HIPK2: variants seen among roughly 807,000 people sequenced by gnomAD.
HIPK2 encodes the protein homeodomain-interacting protein kinase 2.
HIPK2 carries 27 observed loss-of-function variants against 113.7 expected under a neutral mutation model. The observed-to-expected ratio is 0.24, with a 90% CI of 0.17 to 0.33. The LOEUF (loss-of-function observed/expected upper bound fraction) is 0.33. Ranked by LOEUF, HIPK2 falls within the 10% of genes least tolerant of loss-of-function variation. HIPK2 has a pLI of 1.00. For missense variants in HIPK2, 1,257 were observed against 1,588.0 expected (o/e 0.79, Z 3.54); for synonymous variants, 631 against 642.2 (o/e 0.98, Z 0.26).
chr7:139,761,786 G>A (rs1796468365), intron 1 of HIPK2, among the ~76,000 whole-genome samples: 1 of 152,172 alleles, frequency 6.6e-6, no homozygotes, highest in Admixed American at 6.5e-5. Flanking sequence ...TATTAAACGA[G>A]ATGAACTTTA....
At chr7:139,621,677 C>T (rs1474224425) in intron 6 of HIPK2, among the ~76,000 whole-genome samples, 2 of 151,938 alleles carry the variant, frequency 1.3e-5, no homozygotes, top group Non-Finnish European at 2.9e-5. Flanking sequence ...GCCTTAATCC[C>T]AGCACTTTGG....
intron 2 of HIPK2, among the ~76,000 whole-genome samples, chr7:139,646,027 C>T (rs1345213559): frequency 6.6e-6 from 1 of 152,190 alleles, no homozygotes; most frequent in Non-Finnish European, 1.5e-5. Context: ...CAAACCAAAC[C>T]AAACCAAACC....
Position 139,583,993 on chromosome 7 carries a change from G to A in HIPK2, c.2789C>T (p.Ser930Phe), listed in dbSNP as rs1316626284. 8 of 1,613,750 alleles carry A rather than the reference G, an allele frequency of 5.0e-6. No homozygotes were observed. Among genetic ancestry groups the A allele is most frequent in the Admixed American group, 1.7e-5 (1 of 59,998 alleles). ...TVHDSPYSDSSSNTSPYSVQQ... is the reference protein window; with the variant it reads ...TVHDSPYSDSFSNTSPYSVQQ... ...CACGGAGTAGGGGCTGGTGTTGCTGGAGGAGTCGGAGTAGGGGGAGTCGTG... is the reference window on the plus strand; with the variant it reads ...CACGGAGTAGGGGCTGGTGTTGCTGAAGGAGTCGGAGTAGGGGGAGTCGTG... Residue 930 changes from serine (S) to phenylalanine (F), a missense_variant, in exon 13 of 15, where the codon TCC becomes TTC. By Grantham distance (155) the Ser-to-Phe change is radical. Coordinates refer to ENST00000406875, the MANE Select transcript of HIPK2 (RefSeq NM_022740.5).
At chr7:139,603,408 G>A (rs1203580520) in intron 10 of HIPK2, among the ~76,000 whole-genome samples, 1 of 152,122 alleles carries the variant, frequency 6.6e-6, no homozygotes, top group Non-Finnish European at 1.5e-5. Context: ...ACAGAGGAGC[G>A]CATCTGTGAG....
intron 1 of HIPK2, among the ~76,000 whole-genome samples, chr7:139,768,732 CTG>C (rs758795480): frequency 1.3e-5 from 2 of 152,076 alleles, no homozygotes; most frequent in Non-Finnish European, 2.9e-5. Context: ...CCGTATGCCT[CTG>C]GGGAAAAAGG....
chr7:139,752,810 G>T (rs1282313825), intron 1 of HIPK2, among the ~76,000 whole-genome samples: 1 of 151,996 alleles, frequency 6.6e-6, no homozygotes, highest in African/African-American at 2.4e-5. Flanking sequence ...AAGCATGAGG[G>T]ATTTTCCTTC....
intron 2 of HIPK2, among the ~76,000 whole-genome samples, chr7:139,660,556 G>C (rs1325999688): frequency 6.6e-6 from 1 of 152,232 alleles, no homozygotes; most frequent in African/African-American, 2.4e-5. Flanking sequence ...CCCATCGGTT[G>C]GGCTGTTATT....
Position 139,706,294 on chromosome 7 carries a change from C to A in HIPK2, c.1103+9638G>T, listed in dbSNP as rs537473374. Reference sequence around the variant, plus strand: ...TGAGATGTGTACGTTCCCCAAGAGGCGGAAGCGGGCGGCCCCTGTGATTCA... The same window carrying A: ...TGAGATGTGTACGTTCCCCAAGAGGAGGAAGCGGGCGGCCCCTGTGATTCA... On this transcript the variant is annotated intron_variant, in intron 2 of 14. Transcript: ENST00000406875. 3.9e-5 allele frequency among the ~76,000 whole-genome samples: 6 copies of A among 152,262 alleles called. No individual in the cohort carries two copies. In the South Asian group the frequency reaches 1.2e-3, roughly 32 times the overall value.
rs1253200994 is a variant in HIPK2, at chr7:139,654,354, A to AATC, written c.1104-22632_1104-22630dup. Among the ~76,000 whole-genome samples the AATC allele has an allele frequency of 2.6e-5, 4 of 152,152 alleles. No homozygotes were observed. The East Asian group carries it at 7.7e-4, about 29-fold the overall frequency. ...CAGCGAGACTTTGTCTACAAAAAAAAATCAAAACATTAGCCAGGTGTGGTG... is the reference window on the plus strand; with the variant it reads ...CAGCGAGACTTTGTCTACAAAAAAAAATCATCAAAACATTAGCCAGGTGTGGTG... On this transcript the variant is annotated intron_variant, in intron 2 of 14. Coordinates refer to ENST00000406875, the MANE Select transcript of HIPK2 (RefSeq NM_022740.5).
chr7:139,654,499 C>CA (rs1801586655), intron 2 of HIPK2, among the ~76,000 whole-genome samples: 1 of 152,128 alleles, frequency 6.6e-6, no homozygotes, highest in South Asian at 2.1e-4. Flanking sequence ...GACGACAGAG[C>CA]AAGGCCCTAT....
chr7:139,600,818 G>A (rs1393279530), intron 10 of HIPK2, among the ~76,000 whole-genome samples: 3 of 152,306 alleles, frequency 2.0e-5, no homozygotes, highest in Admixed American at 6.5e-5. Flanking sequence ...TGAGAAAGAG[G>A]ACTTTCAAGT....
intron 12 of HIPK2, 87 bp from the exon 13 acceptor site, chr7:139,584,151 G>C: frequency 1.3e-6 from 2 of 1,499,882 alleles, no homozygotes; most frequent in South Asian, 2.7e-5. Context: ...GGGCAGGGGA[G>C]GGAGGCAGAG....
At chr7:139,708,437 C>A (rs543088629) in intron 2 of HIPK2, among the ~76,000 whole-genome samples, 1 of 152,146 alleles carries the variant, frequency 6.6e-6, no homozygotes, top group African/African-American at 2.4e-5. Context: ...CCCCCCACCC[C>A]CAGAGGGCCT....
intron 2 of HIPK2, among the ~76,000 whole-genome samples, chr7:139,645,564 C>T (rs572611982): frequency 1.3e-5 from 2 of 152,264 alleles, no homozygotes; most frequent in Non-Finnish European, 2.9e-5. Flanking sequence ...CCTACCTAAG[C>T]AACTTTCCAA....
intron 9 of HIPK2, among the ~76,000 whole-genome samples, chr7:139,608,252 C>CGTGTGTGTGTGTGTGTGTGT (rs55989071): frequency 5.8e-5 from 8 of 136,964 alleles, no homozygotes; most frequent in Non-Finnish European, 9.3e-5. Context: ...CAAAAAAATA[C>CGTGTGTGTGTGTGTGTGTGT]GTGTGTGTGT....
At chr7:139,690,292 G>C (rs1794363487) in intron 2 of HIPK2, among the ~76,000 whole-genome samples, 1 of 152,170 alleles carries the variant, frequency 6.6e-6, no homozygotes, top group Non-Finnish European at 1.5e-5. Flanking sequence ...CAGAGTCAGG[G>C]GAGGGCAGAG....
intron 2 of HIPK2, among the ~76,000 whole-genome samples, chr7:139,702,849 T>C (rs1794752819): frequency 6.6e-6 from 1 of 152,228 alleles, no homozygotes. Flanking sequence ...TCTCTGTTTC[T>C]AGTGGTCAGT....
intron 2 of HIPK2, among the ~76,000 whole-genome samples, chr7:139,707,057 T>C (rs1056887672): frequency 2.0e-4 from 31 of 152,332 alleles, no homozygotes; most frequent in African/African-American, 7.2e-4. Flanking sequence ...GCCCCGCCTT[T>C]GGCCCTTCCC....
chr7:139,602,769 C>T (rs376940702), intron 10 of HIPK2, among the ~76,000 whole-genome samples: 1 of 152,050 alleles, frequency 6.6e-6, no homozygotes, highest in Non-Finnish European at 1.5e-5. Flanking sequence ...TGTCATGTAC[C>T]GGGCACTGCG....
Sources: gnomAD v4.1 joint callset for allele counts (sites outside exome capture counted in the v4.1 genomes callset) on GRCh38, gnomAD v4.1.1 for gene constraint, MANE v1.5 for transcripts, NCBI Gene and HGNC (gene_info 2026-07-23, HGNC 2026-07-21) for gene names.